Variants in GLDN observed in about 807,000 individuals in gnomAD.
GLDN encodes the protein gliomedin, also known as collomin.
A neutral mutation model predicts 56.5 loss-of-function variants in GLDN; 47 were observed. That is an observed-to-expected ratio of 0.83 (90% CI 0.66 to 1.06). The LOEUF (loss-of-function observed/expected upper bound fraction) is 1.06, where lower values mean the gene tolerates loss of function less well. Among genes scored for constraint, GLDN ranks in the 50% least tolerant of loss-of-function variants. GLDN has a pLI of 0.00. For synonymous variants in GLDN, 332 were observed against 278.8 expected, an observed-to-expected ratio of 1.19 and a Z score of -1.90; for missense variants, 782 against 714.3, an observed-to-expected ratio of 1.09 and a Z score of -1.08.
intron 1 of GLDN, among the ~76,000 whole-genome samples, chr15:51,355,271 A>G (rs2037152356): frequency 1.3e-5 from 2 of 152,216 alleles, no homozygotes; most frequent in Non-Finnish European, 2.9e-5. Flanking sequence ...AGATTATTCA[A>G]GAGTTTTCTG....
chr15:51,354,357 T>C (rs2037135038), intron 1 of GLDN, among the ~76,000 whole-genome samples: 1 of 152,204 alleles, frequency 6.6e-6, no homozygotes, highest in Admixed American at 6.5e-5. Context: ...TCCTTTTTAC[T>C]GGAAGGTGGA....
At chr15:51,342,991 A>G (rs1416334836) in intron 1 of GLDN, among the ~76,000 whole-genome samples, 1 of 152,256 alleles carries the variant, frequency 6.6e-6, no homozygotes, top group Non-Finnish European at 1.5e-5. Context: ...GGTATTTAAC[A>G]AATACTATTA....
intron 1 of GLDN, among the ~76,000 whole-genome samples, chr15:51,355,374 C>T (rs528848111): frequency 1.4e-4 from 21 of 152,284 alleles, no homozygotes; most frequent in African/African-American, 4.3e-4. Flanking sequence ...CATTTGTAAA[C>T]TGTCATGGTG....
chr15:51,367,198 C>T (rs1196574224), intron 1 of GLDN, among the ~76,000 whole-genome samples: 1 of 152,218 alleles, frequency 6.6e-6, no homozygotes, highest in African/African-American at 2.4e-5. Context: ...TGAAGAAGAA[C>T]ACCTGGTGGG....
At chr15:51,358,357 A>G (rs1437616968) in intron 1 of GLDN, among the ~76,000 whole-genome samples, 1 of 152,184 alleles carries the variant, frequency 6.6e-6, no homozygotes, top group Non-Finnish European at 1.5e-5. Flanking sequence ...GACAGCTCCA[A>G]GCCCAGAAAT....
At chr15:51,387,918 T>A (rs1157045635) in intron 4 of GLDN, among the ~76,000 whole-genome samples, 1 of 152,184 alleles carries the variant, frequency 6.6e-6, no homozygotes, top group African/African-American at 2.4e-5. Flanking sequence ...GCATGAATAC[T>A]TTTGTTAGCC....
rs746201596 is a variant in GLDN at position 51,397,561 on chromosome 15, C to T, written c.780C>T (p.Gly260=). Residue 260 remains glycine, a synonymous_variant, in exon 6 of 10, where the codon GGC becomes GGT. Coordinates refer to ENST00000335449, the MANE Select transcript of GLDN (RefSeq NM_181789.4). ...CCCCTGGAAGCAGAAGAGCCAAAGG[C>T]CCTCGGCAGCCAAGCATGTTCAACG... ...PGPPGSRRAK[G]PRQPSMFNGQ... 1.2e-6 allele frequency: 2 copies of T among 1,602,506 alleles called. No homozygotes were observed. Among genetic ancestry groups the T allele is most frequent in the Non-Finnish European group, 1.7e-6 (2 of 1,173,648 alleles).
intron 9 of GLDN, among the ~76,000 whole-genome samples, chr15:51,402,419 C>T (rs1474588960): frequency 6.6e-6 from 1 of 152,212 alleles, no homozygotes; most frequent in African/African-American, 2.4e-5. Context: ...GAGCAATGAA[C>T]CGAAAGCCAG....
chr15:51,404,810 C>G lies in GLDN; in HGVS notation c.*56C>G, dbSNP rs1006536559. 1 of 858,940 alleles carries G rather than the reference C, an allele frequency of 1.2e-6. No homozygotes were observed. The highest frequency in any genetic ancestry group is 1.9e-6 in the Non-Finnish European group (1 of 532,522). The allele number at this position is 858,940 out of a possible 1,614,324, so 53.2% of individuals were successfully genotyped here. ...TCAGGGGTTTTCTGGGACCAGTTCT[C>G]CCCCAACAGGAAACTTGTTTTTTTA... On this transcript the variant is annotated 3_prime_UTR_variant, in exon 10 of 10. Coordinates refer to ENST00000335449, the MANE Select transcript of GLDN (RefSeq NM_181789.4).
intron 1 of GLDN, among the ~76,000 whole-genome samples, chr15:51,357,602 C>A (rs1370325052): frequency 6.6e-6 from 1 of 152,192 alleles, no homozygotes; most frequent in Non-Finnish European, 1.5e-5. Flanking sequence ...TGCCTGGAAC[C>A]AGTTCCACCT....
At position 51,406,381 on chromosome 15, in the gene GLDN, C is replaced by G. The variant is rs958027238; in HGVS notation, c.*1627C>G. The G allele has an allele frequency of 1.1e-4, 16 of 152,202 alleles. No individual in the cohort carries two copies. The highest frequency in any genetic ancestry group is 3.4e-4 in the African/African-American group (14 of 41,444). 9.4% of individuals were successfully genotyped at this position (152,202 alleles called of 1,614,324 possible). On this transcript the variant is annotated 3_prime_UTR_variant, in exon 10 of 10. Coordinates refer to ENST00000335449, the MANE Select transcript of GLDN (RefSeq NM_181789.4). The stretch of plus-strand genomic sequence containing the variant: ...GGGGCTCTGCAGCCAGGAAGGGGAA[C>G]CAGGGCAAATCTTATGTAAAGATTT...
chr15:51,398,305 G>A (rs1363791788), intron 6 of GLDN, among the ~76,000 whole-genome samples: 2 of 152,222 alleles, frequency 1.3e-5, no homozygotes, highest in Non-Finnish European at 2.9e-5. Context: ...CTTGACCTCT[G>A]GTGGACTTGT....
In GLDN at chr15:51,382,356, G is replaced by A. The variant is rs143595315; in HGVS notation, c.416-1080G>A. Reference sequence around the variant, plus strand: ...GAACACAACAGGATACAGGCACCAAGATTTCTTGGTGGAGTTTGATGCACA... The same window carrying A: ...GAACACAACAGGATACAGGCACCAAAATTTCTTGGTGGAGTTTGATGCACA... On this transcript the variant is annotated intron_variant, in intron 2 of 9. Transcript: ENST00000335449. Among the ~76,000 whole-genome samples the A allele has an allele frequency of 3.3e-3, 508 of 152,238 alleles. 2 individuals are homozygous for A. Among genetic ancestry groups the A allele is most frequent in the African/African-American group, 0.012 (493 of 41,528 alleles).
chr15:51,404,930 G>A lies in GLDN; in HGVS notation c.*176G>A. On this transcript the variant is annotated 3_prime_UTR_variant, in exon 10 of 10. Transcript: ENST00000335449. ...TAGCAACAGATTGGAAGTTGAAATG[G>A]CTGAGATTTGGTGATCTCCCCACAG... The A allele has an allele frequency of 1.7e-6, 1 of 583,180 alleles. No homozygotes were observed. The highest frequency in any genetic ancestry group is 2.0e-5 in the South Asian group (1 of 48,856). The allele number at this position is 583,180 out of a possible 1,614,324, so 36.1% of individuals were successfully genotyped here.
In GLDN at chr15:51,341,657, G is replaced by A; in HGVS notation, c.-28G>A. 2.2e-6 allele frequency: 3 copies of A among 1,370,430 alleles called. No homozygotes were observed. In the South Asian group the frequency reaches 5.4e-5, roughly 25 times the overall value. 84.9% of individuals were successfully genotyped at this position (1,370,430 alleles called of 1,614,324 possible). A position where few individuals can be genotyped will look rare whatever the true frequency, so the allele number is the denominator to read the frequency against. On this transcript the variant is annotated 5_prime_UTR_variant, in exon 1 of 10. Coordinates refer to ENST00000335449, the MANE Select transcript of GLDN (RefSeq NM_181789.4). ...GGCTGCCAGGGCCGCAGGCTGCCAA[G>A]CCCTGCCCTGCCCAAGGCGCATAGA...
At chr15:51,380,823 T>C (rs934826212) in intron 2 of GLDN, among the ~76,000 whole-genome samples, 1 of 152,228 alleles carries the variant, frequency 6.6e-6, no homozygotes, top group Non-Finnish European at 1.5e-5. Context: ...GCCTTAAGAC[T>C]AGCAGCTCTG....
intron 1 of GLDN, among the ~76,000 whole-genome samples, chr15:51,349,061 C>T (rs934286894): frequency 6.6e-5 from 10 of 152,154 alleles, no homozygotes; most frequent in African/African-American, 1.9e-4. Context: ...CCTGTCACTA[C>T]GGCTTTTCAA....
intron 2 of GLDN, among the ~76,000 whole-genome samples, chr15:51,379,903 G>A (rs2037718940): frequency 6.6e-6 from 1 of 152,124 alleles, no homozygotes; most frequent in South Asian, 2.1e-4. Flanking sequence ...GTTTTTATCT[G>A]CTACCTAATG....
chr15:51,363,691 G>A (rs984491986), intron 1 of GLDN, among the ~76,000 whole-genome samples: 5 of 152,216 alleles, frequency 3.3e-5, no homozygotes, highest in African/African-American at 4.8e-5. Flanking sequence ...CCCAGTGGGC[G>A]ATCAGGAAGC....
Sources: gnomAD v4.1 joint callset for allele counts (sites outside exome capture counted in the v4.1 genomes callset) on GRCh38, gnomAD v4.1.1 for gene constraint, MANE v1.5 for transcripts, NCBI Gene and HGNC (gene_info 2026-07-23, HGNC 2026-07-21) for gene names.